The following SERPINB1 variants were observed in gnomAD, a reference collection of about 807,000 sequenced individuals.
SERPINB1 encodes the protein serpin family B member 1, also known as leukocyte elastase inhibitor.
Under a neutral mutation model 25.9 loss-of-function variants are expected in SERPINB1, and 23 were observed. That is an observed-to-expected ratio of 0.89 (90% CI 0.64 to 1.26). SERPINB1 has a LOEUF of 1.26. Among genes scored for constraint, SERPINB1 ranks in the 50% most tolerant of loss-of-function variants. SERPINB1 has a pLI of 0.00. For synonymous variants in SERPINB1, 178 were observed against 178.7 expected (o/e 1.00, Z 0.03); for missense variants, 399 against 463.6 (o/e 0.86, Z 1.28).
rs769253307 is a variant in SERPINB1, at chr6:2,835,971, C to A, written c.620G>T (p.Gly207Val). The A allele has an allele frequency of 3.1e-6, 5 of 1,614,006 alleles. No individual in the cohort carries two copies. The South Asian group carries it at 4.4e-5, about 14-fold the overall frequency. The stretch of plus-strand genomic sequence containing the variant: ...ACGGCACTTAAGGTCCTCGATGTAG[C>A]CATATGCAAATTTTTTCTTCTGATA... ...MMYQKKKFAY[G>V]YIEDLKCRVL... The change falls in exon 6 of 7, where the codon GGC becomes GTC. Residue 207 changes from glycine to valine, a missense_variant. By Grantham distance (109) the Gly-to-Val change is moderately radical. Coordinates refer to ENST00000380739, the MANE Select transcript of SERPINB1 (RefSeq NM_030666.4).
In SERPINB1 at chr6:2,833,871, C is replaced by G. The variant is rs371863079; in HGVS notation, c.877G>C (p.Val293Leu). The G allele has an allele frequency of 1.2e-6, 2 of 1,614,064 alleles. No homozygotes were observed. Among genetic ancestry groups the G allele is most frequent in the Non-Finnish European group, 1.7e-6 (2 of 1,180,048 alleles). The change falls in exon 7 of 7, where the codon GTG (valine) becomes CTG (leucine). Residue 293 changes from valine to leucine, a missense_variant. Transcript: ENST00000380739. ...TLNSDLARLGVQDLFNSSKAD... is the reference protein window; with the variant it reads ...TLNSDLARLGLQDLFNSSKAD... Reference sequence around the variant, plus strand: ...TTGCTACTGTTAAAGAGATCCTGCACACCTAGGCGGGCGAGGTCGGAGTTG... The same window carrying G: ...TTGCTACTGTTAAAGAGATCCTGCAGACCTAGGCGGGCGAGGTCGGAGTTG...
rs536822312 is a variant in SERPINB1 at position 2,837,974 on chromosome 6, G to A, written c.332C>T (p.Thr111Ile). Residue 111 changes from threonine to isoleucine, a missense_variant, in exon 4 of 7, where the codon ACA becomes ATA. By Grantham distance (89) the Thr-to-Ile change is moderately conservative. Coordinates refer to ENST00000380739, the MANE Select transcript of SERPINB1 (RefSeq NM_030666.4). The surrounding 1 kb of genome is among the most constrained non-coding windows in gnomAD (Gnocchi z 4.3). Reference sequence around the variant, plus strand: ...CACACTGGCCAGGTCAGCACCATATGTTTTCTGAGTCGAAACCAAGAACTC... The same window carrying A: ...CACACTGGCCAGGTCAGCACCATATATTTTCTGAGTCGAAACCAAGAACTC... ...LPEFLVSTQKTYGADLASVDF... is the reference protein window; with the variant it reads ...LPEFLVSTQKIYGADLASVDF... The A allele has an allele frequency of 4.3e-5, 70 of 1,613,228 alleles. No homozygotes were observed. Among genetic ancestry groups the A allele is most frequent in the Middle Eastern group, 3.3e-4 (2 of 6,060 alleles).
At chr6:2,836,271 C>T (rs1248911212) in intron 4 of SERPINB1, 21 bp from the exon 5 acceptor site, 8 of 1,572,300 alleles carry the variant, frequency 5.1e-6, no homozygotes, top group Admixed American at 2.0e-5. Flanking sequence ...ATCAAGTTAG[C>T]GTAAAAAAAA....
chr6:2,836,173 T>C lies in SERPINB1; in HGVS notation c.502A>G (p.Lys168Glu), dbSNP rs1766488650. The change falls in exon 5 of 7, where the codon AAG becomes GAG. Residue 168 changes from lysine (K) to glutamate (E), a missense_variant. Coordinates refer to ENST00000380739, the MANE Select transcript of SERPINB1 (RefSeq NM_030666.4). Reference sequence around the variant, plus strand: ...ATGAATTTATCCTTCCAGTTTCCCTTGAAATAGATGGCATTTACTAGCACA... The same window carrying C: ...ATGAATTTATCCTTCCAGTTTCCCTCGAAATAGATGGCATTTACTAGCACA... Reference protein sequence around the residue: ...KLVLVNAIYFKGNWKDKFMKE... With the variant: ...KLVLVNAIYFEGNWKDKFMKE... 5 of 1,614,008 alleles carry C rather than the reference T, an allele frequency of 3.1e-6. No individual in the cohort carries two copies. Among genetic ancestry groups the C allele is most frequent in the African/African-American group, 1.3e-5 (1 of 74,900 alleles).
rs950991449 is a variant in SERPINB1 at position 2,833,499 on chromosome 6, T to C, written c.*109A>G. The C allele has an allele frequency of 3.7e-6, 4 of 1,078,276 alleles. No individual in the cohort carries two copies. In the African/African-American group the frequency reaches 4.8e-5, roughly 13 times the overall value. The allele number at this position is 1,078,276 out of a possible 1,614,324, so 66.8% of individuals were successfully genotyped here. A position where few individuals can be genotyped will look rare whatever the true frequency, so the allele number is the denominator to read the frequency against. ...ACTTACAAAGAAAATGAAAGACTTG[T>C]TTCTGAACAGTGGTTTTATTGGTAA... On this transcript the variant is annotated 3_prime_UTR_variant, in exon 7 of 7. Coordinates refer to ENST00000380739, the MANE Select transcript of SERPINB1 (RefSeq NM_030666.4).
chr6:2,834,129 T>A, intron 6 of SERPINB1, 117 bp from the exon 7 acceptor site: 2 of 974,226 alleles, frequency 2.1e-6, no homozygotes, highest in Non-Finnish European at 2.9e-6. Flanking sequence ...TTCCTTCATG[T>A]TTTGTGCCAA....
Position 2,837,668 on chromosome 6 carries a change from T to C in SERPINB1, c.424+214A>G, listed in dbSNP as rs1245130631. 1.3e-5 allele frequency among the ~76,000 whole-genome samples: 2 copies of C among 152,238 alleles called. No homozygotes were observed. The highest frequency in any genetic ancestry group is 2.9e-5 in the Non-Finnish European group (2 of 68,038). ...TTTAGCTGCTTGAGTTAAATCATGT[T>C]TAAGTTTCCACTCTGGTGAACTTCG... On this transcript the variant is annotated intron_variant, in intron 4 of 6. Transcript: ENST00000380739. This position sits in a 1 kb window ranked among gnomAD's most constrained non-coding sequence, Gnocchi z 4.3.
At chr6:2,840,138 T>C (rs1766604732) in intron 2 of SERPINB1, among the ~76,000 whole-genome samples, 1 of 152,114 alleles carries the variant, frequency 6.6e-6, no homozygotes, top group Non-Finnish European at 1.5e-5. Flanking sequence ...ATTCATCCAC[T>C]GGAACAGAAG....
In SERPINB1 at chr6:2,833,569, C is replaced by A. The variant is rs1356737010; in HGVS notation, c.*39G>T. 21 of 1,537,014 alleles carry A rather than the reference C, an allele frequency of 1.4e-5. No homozygotes were observed. The highest frequency in any genetic ancestry group is 1.8e-5 in the Non-Finnish European group (20 of 1,141,018). On this transcript the variant is annotated 3_prime_UTR_variant, in exon 7 of 7. Coordinates refer to ENST00000380739, the MANE Select transcript of SERPINB1 (RefSeq NM_030666.4). ...TCTATTAAAAACTCAGGTAATAAAG[C>A]ACTAAGCTTGATTTTTGTATTGCTA... is the stretch of plus-strand genomic sequence containing the variant.
At chr6:2,836,855 T>G (rs2113536638) in intron 4 of SERPINB1, among the ~76,000 whole-genome samples, 1 of 152,008 alleles carries the variant, frequency 6.6e-6, no homozygotes, top group East Asian at 1.9e-4. Flanking sequence ...ACTCTGTCTC[T>G]TAAAAACAAA....
intron 2 of SERPINB1, 120 bp from the exon 3 acceptor site, chr6:2,838,806 CAA>C (rs1240978816): frequency 1.3e-6 from 1 of 779,570 alleles, no homozygotes; most frequent in African/African-American, 1.8e-5. Context: ...TTGATGATCC[CAA>C]ACCCAATACT....
chr6:2,834,295 TCATCCATCCATCCATCCATCCATCCATC>T (rs570666148), intron 6 of SERPINB1, among the ~76,000 whole-genome samples: 2 of 118,124 alleles, frequency 1.7e-5, no homozygotes, highest in African/African-American at 2.9e-5. Context: ...ATTTGTCCAC[TCATCCATCCATCCATCCATCCATCCATC>T]CATCCATCCA....
chr6:2,836,046 T>G (rs1256261954), intron 5 of SERPINB1, 23 bp from the exon 6 acceptor site: 3 of 1,613,890 alleles, frequency 1.9e-6, no homozygotes, highest in African/African-American at 1.3e-5. Flanking sequence ...AAAAAATCAC[T>G]GAAATTATTC....
rs924613628 is a variant in SERPINB1, at chr6:2,840,558, C to T, written c.29G>A (p.Arg10His). Reference sequence around the variant, plus strand: ...CGCCAGGAACAGGTCCAAGGCGAAGCGGGTGTTTGCTGAGCTCAGCTGCTC... The same window carrying T: ...CGCCAGGAACAGGTCCAAGGCGAAGTGGGTGTTTGCTGAGCTCAGCTGCTC... Reference protein sequence around the residue: MEQLSSANTRFALDLFLALS... With the variant: MEQLSSANTHFALDLFLALS... The change falls in exon 2 of 7, where the codon CGC (arginine) becomes CAC (histidine). Residue 10 changes from arginine to histidine, a missense_variant. Transcript: ENST00000380739. 1.7e-5 allele frequency: 28 copies of T among 1,613,688 alleles called. No individual in the cohort carries two copies. Among genetic ancestry groups the T allele is most frequent in the Non-Finnish European group, 2.4e-5 (28 of 1,179,936 alleles).
At position 2,833,253 on chromosome 6, in the gene SERPINB1, T is replaced by C. The variant is rs1163908771; in HGVS notation, c.*355A>G. On this transcript the variant is annotated 3_prime_UTR_variant, in exon 7 of 7. Coordinates refer to ENST00000380739, the MANE Select transcript of SERPINB1 (RefSeq NM_030666.4). Reference sequence around the variant, plus strand: ...ATTTTGTGGCTTCCAAAATTCTAACTGCAAAATAAATGACCATCTTATCAT... The same window carrying C: ...ATTTTGTGGCTTCCAAAATTCTAACCGCAAAATAAATGACCATCTTATCAT... 5.7e-6 allele frequency: 1 copy of C among 174,746 alleles called. No individual in the cohort carries two copies. Among genetic ancestry groups the C allele is most frequent in the Admixed American group, 6.2e-5 (1 of 16,082 alleles). The allele number at this position is 174,746 out of a possible 1,614,324, so 10.8% of individuals were successfully genotyped here. A position where few individuals can be genotyped will look rare whatever the true frequency, so the allele number is the denominator to read the frequency against.
chr6:2,836,974 C>T (rs562220741), intron 4 of SERPINB1, among the ~76,000 whole-genome samples: 11 of 152,326 alleles, frequency 7.2e-5, no homozygotes, highest in African/African-American at 2.6e-4. Flanking sequence ...GAAGACAGGT[C>T]TTCTGGAGTG....
In SERPINB1 at chr6:2,836,241, G is replaced by A. The variant is rs1377829019; in HGVS notation, c.434C>T (p.Pro145Leu). The A allele has an allele frequency of 1.1e-5, 18 of 1,579,060 alleles. No homozygotes were observed. The highest frequency in any genetic ancestry group is 4.7e-5 in the South Asian group (4 of 84,910). The change falls in exon 5 of 7, where the codon CCG becomes CTG. Residue 145 changes from proline (P) to leucine (L), a missense_variant. Coordinates refer to ENST00000380739, the MANE Select transcript of SERPINB1 (RefSeq NM_030666.4). ...WVKGQTEGKI[P>L]ELLASGMVDN... ...AACCATGCCCGAAGCCAACAGTTCCGGAATTTTTCCTAAAAAAAAATCAAG... is the reference window on the plus strand; with the variant it reads ...AACCATGCCCGAAGCCAACAGTTCCAGAATTTTTCCTAAAAAAAAATCAAG...
Position 2,836,014 on chromosome 6 carries a change from TTCTG to T in SERPINB1, c.573_576del (p.Asp191GlufsTer4), listed in dbSNP as rs1326976559. The T allele has an allele frequency of 3.1e-6, 5 of 1,614,044 alleles. No individual in the cohort carries two copies. The highest frequency in any genetic ancestry group is 1.1e-5 in the South Asian group (1 of 91,074). The stretch of plus-strand genomic sequence containing the variant: ...TTCTGATACATCATTTTCACAGTTT[TTCTG>T]TCTTTCTGAACAGTTTTAAAAAATC... On this transcript the variant is annotated frameshift_variant, in exon 6 of 7. Transcript: ENST00000380739. LOFTEE classifies it high-confidence loss of function.
intron 6 of SERPINB1, among the ~76,000 whole-genome samples, chr6:2,834,256 C>T (rs927328295): frequency 7.9e-5 from 12 of 152,136 alleles, no homozygotes; most frequent in African/African-American, 2.9e-4. Context: ...ATCATCCACT[C>T]ACCCACCCAT....
Sources: gnomAD v4.1 joint callset for allele counts (sites outside exome capture counted in the v4.1 genomes callset) on GRCh38, gnomAD v4.1.1 for gene constraint, Gnocchi (gnomAD v3.1) non-coding constraint, MANE v1.5 for transcripts, NCBI Gene and HGNC (gene_info 2026-07-23, HGNC 2026-07-21) for gene names.